The following HYCC1 variants were observed in gnomAD, a reference collection of about 807,000 sequenced individuals.
HYCC1 encodes the protein hyccin PI4KA lipid kinase complex subunit 1.
the HYCC1 span, among the ~76,000 whole-genome samples, chr7:22,978,902 A>G: frequency 6.6e-6 from 1 of 152,160 alleles, no homozygotes; most frequent in Non-Finnish European, 1.5e-5. Context: ...CACTCTCAAC[A>G]TTATCCAGTT....
At chr7:22,964,676 T>G in the HYCC1 span, 8 of 635,246 alleles carry the variant, frequency 1.3e-5, no homozygotes, top group African/African-American at 1.3e-4. Flanking sequence ...AAACAGAACA[T>G]TTGTCTGTAA....
chr7:22,984,657 C>T, the HYCC1 span, among the ~76,000 whole-genome samples: 234 of 152,198 alleles, frequency 1.5e-3, 3 homozygotes, highest in African/African-American at 5.2e-3. Context: ...GGGAGGTCAA[C>T]GCTGCAGAGA....
chr7:22,922,451 C>T, the HYCC1 span, among the ~76,000 whole-genome samples: 491 of 152,328 alleles, frequency 3.2e-3, 2 homozygotes, highest in Non-Finnish European at 5.4e-3. Context: ...AGACCACTTA[C>T]GTTAGCATGG....
chr7:22,920,433 A>G, the HYCC1 span, among the ~76,000 whole-genome samples: 14 of 152,228 alleles, frequency 9.2e-5, no homozygotes, highest in Non-Finnish European at 1.6e-4. Context: ...AAATAAGGTT[A>G]GTATTTGACT....
chr7:22,911,211 G>A, the HYCC1 span, among the ~76,000 whole-genome samples: 1 of 152,182 alleles, frequency 6.6e-6, no homozygotes, highest in African/African-American at 2.4e-5. Context: ...TTTGGTGGCT[G>A]CTATCAAGGA....
At chr7:22,946,926 A>G in the HYCC1 span, 1 of 1,528,242 alleles carries the variant, frequency 6.5e-7, no homozygotes, top group South Asian at 1.2e-5. Context: ...CTTAACATGC[A>G]TCAGTGGCCC....
At chr7:22,997,649 T>C in the HYCC1 span, among the ~76,000 whole-genome samples, 2 of 152,262 alleles carry the variant, frequency 1.3e-5, no homozygotes, top group South Asian at 2.1e-4. Flanking sequence ...AGGAGGACAG[T>C]ATATGTGCTG....
At chr7:22,905,271 C>T in the HYCC1 span, among the ~76,000 whole-genome samples, 1 of 151,708 alleles carries the variant, frequency 6.6e-6, no homozygotes, top group Non-Finnish European at 1.5e-5. Context: ...CAGTGGTGAT[C>T]TTGGCTCACT....
chr7:23,012,584 T>C, the HYCC1 span, among the ~76,000 whole-genome samples: 1 of 152,232 alleles, frequency 6.6e-6, no homozygotes, highest in Non-Finnish European at 1.5e-5. Context: ...AAGCCACTAT[T>C]GGCCAAGCAG....
At chr7:22,934,779 A>G in the HYCC1 span, 57 of 152,338 alleles carry the variant, frequency 3.7e-4, no homozygotes, top group African/African-American at 1.3e-3. Flanking sequence ...TTGTGACAAC[A>G]GGTGTGAAAT....
chr7:22,906,577 CAA>C, the HYCC1 span, among the ~76,000 whole-genome samples: 4 of 119,080 alleles, frequency 3.4e-5, no homozygotes, highest in Non-Finnish European at 1.8e-5. Flanking sequence ...GACTCGGTCT[CAA>C]AAAAAAAAAA....
chr7:22,974,392 T>C, the HYCC1 span, among the ~76,000 whole-genome samples: 1 of 152,198 alleles, frequency 6.6e-6, no homozygotes, highest in African/African-American at 2.4e-5. Flanking sequence ...CCACCTTTTT[T>C]GAGATTTTAC....
chr7:22,920,910 G>C, the HYCC1 span, among the ~76,000 whole-genome samples: 1 of 152,088 alleles, frequency 6.6e-6, no homozygotes, highest in Non-Finnish European at 1.5e-5. Context: ...TAGTTCATGT[G>C]AGATCTGGTT....
chr7:22,920,672 T>C, the HYCC1 span, among the ~76,000 whole-genome samples: 10,073 of 152,218 alleles, frequency 0.066, 444 homozygotes, highest in Non-Finnish European at 0.1. Flanking sequence ...TAAATCCACA[T>C]GAAAAAACAA....
At chr7:22,961,535 ATTTCT>A in the HYCC1 span, among the ~76,000 whole-genome samples, 16 of 152,190 alleles carry the variant, frequency 1.1e-4, no homozygotes, top group African/African-American at 3.6e-4. Context: ...ATAGATGTAC[ATTTCT>A]TCTCTAAAGA....
chr7:22,959,422 A>G, the HYCC1 span, among the ~76,000 whole-genome samples: 1 of 152,174 alleles, frequency 6.6e-6, no homozygotes, highest in Admixed American at 6.5e-5. Context: ...CTCAGTTTAC[A>G]GGAAGAAGAA....
the HYCC1 span, chr7:22,945,411 A>G: frequency 2.5e-5 from 15 of 610,804 alleles, 1 homozygote; most frequent in Middle Eastern, 4.3e-4. Context: ...TAACAAAACC[A>G]TATTTCAACT....
chr7:22,952,157 A>G, the HYCC1 span, among the ~76,000 whole-genome samples: 2 of 152,134 alleles, frequency 1.3e-5, no homozygotes, highest in South Asian at 4.1e-4. Flanking sequence ...TCACTATATA[A>G]TAAGGGAACA....
chr7:23,000,372 G>T, the HYCC1 span, among the ~76,000 whole-genome samples: 1 of 151,546 alleles, frequency 6.6e-6, no homozygotes, highest in East Asian at 1.9e-4. Context: ...ATATAGATAG[G>T]TACCTATCTA....
Sources: gnomAD v4.1 joint callset for allele counts (sites outside exome capture counted in the v4.1 genomes callset) on GRCh38, gnomAD v4.1.1 for gene constraint, MANE v1.5 for transcripts, NCBI Gene and HGNC (gene_info 2026-07-23, HGNC 2026-07-21) for gene names.